The following STXBP5 variants were observed in gnomAD, a reference collection of about 807,000 sequenced individuals.
STXBP5 encodes the protein syntaxin-binding protein 5.
STXBP5 carries 50 observed loss-of-function variants against 152.4 expected under a neutral mutation model. That is an observed-to-expected ratio of 0.33 (90% CI 0.26 to 0.42). The LOEUF (loss-of-function observed/expected upper bound fraction) is 0.42. STXBP5 is among the 10% of genes least tolerant of loss of function. The probability of loss-of-function intolerance (pLI) is 1.00; values close to 1 mark genes in which losing one functional copy is unlikely to be tolerated. For missense variants in STXBP5, 1,167 were observed against 1,388.6 expected (o/e 0.84, Z 2.54); for synonymous variants, 492 against 494.7 (o/e 0.99, Z 0.07).
chr6:147,372,492 T>C, intron 25 of STXBP5, among the ~76,000 whole-genome samples: 1 of 127,734 alleles, frequency 7.8e-6, no homozygotes, highest in Non-Finnish European at 1.6e-5. Context: ...TGGAGTGCAG[T>C]GGTGCAATCT....
At chr6:147,329,187 T>G (rs1783425614) in intron 18 of STXBP5, among the ~76,000 whole-genome samples, 1 of 150,630 alleles carries the variant, frequency 6.6e-6, no homozygotes. Context: ...GAGACTGATT[T>G]TTACCATCTA....
In STXBP5 at chr6:147,262,413, A is replaced by G. The variant is rs182298007; in HGVS notation, c.630+60A>G. On this transcript the variant is annotated intron_variant, in intron 6 of 27. Transcript: ENST00000321680. ...CACAAATTTTAGTATTTTTCAATAA[A>G]CATGCTATTTCAGGATCACACTTAT... The G allele has an allele frequency of 3.3e-5, 34 of 1,035,934 alleles. No individual in the cohort carries two copies. In the East Asian group the frequency reaches 8.7e-4, roughly 27 times the overall value. 64.2% of individuals were successfully genotyped at this position (1,035,934 alleles called of 1,614,324 possible). A position where few individuals can be genotyped will look rare whatever the true frequency, so the allele number is the denominator to read the frequency against.
At chr6:147,259,692 A>G (rs1779551707) in intron 4 of STXBP5, among the ~76,000 whole-genome samples, 2 of 152,108 alleles carry the variant, frequency 1.3e-5, no homozygotes, top group South Asian at 4.1e-4. Flanking sequence ...TTTAAGTGCT[A>G]TTTATTTAAA....
At chr6:147,269,593 GTAT>G (rs1482353573) in intron 7 of STXBP5, among the ~76,000 whole-genome samples, 1 of 152,008 alleles carries the variant, frequency 6.6e-6, no homozygotes, top group East Asian at 1.9e-4. Flanking sequence ...ATTAAAACAA[GTAT>G]TATTAAATAG....
At chr6:147,382,732 A>G in intron 26 of STXBP5, 46 bp from the exon 27 acceptor site, 1 of 1,584,292 alleles carries the variant, frequency 6.3e-7, no homozygotes, top group Non-Finnish European at 8.6e-7. Flanking sequence ...ATATTAGTAA[A>G]ATGTTCATGT....
At chr6:147,218,216 A>T (rs1237529882) in intron 2 of STXBP5, among the ~76,000 whole-genome samples, 5 of 152,198 alleles carry the variant, frequency 3.3e-5, no homozygotes, top group Non-Finnish European at 7.3e-5. Context: ...TCCATAGTTT[A>T]TGATAGGGCT....
intron 2 of STXBP5, among the ~76,000 whole-genome samples, chr6:147,207,300 G>T (rs965912885): frequency 1.3e-5 from 2 of 152,080 alleles, no homozygotes; most frequent in Non-Finnish European, 2.9e-5. Flanking sequence ...AATGCTAATA[G>T]AAGTTTTAGG....
At chr6:147,230,205 T>C (rs966007504) in intron 2 of STXBP5, among the ~76,000 whole-genome samples, 5 of 152,010 alleles carry the variant, frequency 3.3e-5, no homozygotes, top group African/African-American at 1.2e-4. Flanking sequence ...ATTTCTTATT[T>C]AATTTTGCCA....
rs78229923 is a variant in STXBP5 at position 147,371,824 on chromosome 6, C to T, written c.3082-1907C>T. On this transcript the variant is annotated intron_variant, in intron 25 of 27. Transcript: ENST00000321680. The stretch of plus-strand genomic sequence containing the variant: ...TTTAAAAAGCATACCTTTAAACTAT[C>T]GCTGTTGGTATGTCATATTCTTCTT... 7.3e-3 allele frequency among the ~76,000 whole-genome samples: 1,110 copies of T among 152,186 alleles called. 15 individuals carry two copies. Among genetic ancestry groups the T allele is most frequent in the African/African-American group, 0.025 (1,056 of 41,532 alleles).
intron 11 of STXBP5, among the ~76,000 whole-genome samples, chr6:147,313,650 A>G (rs950011374): frequency 1.3e-5 from 2 of 152,142 alleles, no homozygotes; most frequent in African/African-American, 4.8e-5. Context: ...TATTTAAAGC[A>G]CTTAGTGTAG....
intron 21 of STXBP5, 86 bp from the exon 22 acceptor site, chr6:147,353,237 A>G (rs1226701997): frequency 6.4e-6 from 5 of 778,296 alleles, no homozygotes; most frequent in Non-Finnish European, 1.0e-5. Flanking sequence ...TAGTAATAAA[A>G]GTATTCACTT....
In STXBP5 at chr6:147,389,489, CTTTAT is replaced by C. The variant is rs777853908; in HGVS notation, c.*4741_*4745del. Reference sequence around the variant, plus strand: ...GTCCAGGGCTACATGTAAGTGGTCTCTTTATTTTATTCTTTACATCAGAAAAATCA... The same window carrying C: ...GTCCAGGGCTACATGTAAGTGGTCTCTTTATTCTTTACATCAGAAAAATCA... On this transcript the variant is annotated 3_prime_UTR_variant, in exon 28 of 28. Coordinates refer to ENST00000321680, the MANE Select transcript of STXBP5 (RefSeq NM_001127715.4). 29 of 151,888 alleles carry C rather than the reference CTTTAT, an allele frequency of 1.9e-4. No individual in the cohort carries two copies. Among genetic ancestry groups the C allele is most frequent in the African/African-American group, 4.3e-4 (18 of 41,524 alleles). 9.4% of individuals were successfully genotyped at this position (151,888 alleles called of 1,614,324 possible). A position where few individuals can be genotyped will look rare whatever the true frequency, so the allele number is the denominator to read the frequency against.
intron 2 of STXBP5, among the ~76,000 whole-genome samples, chr6:147,216,037 T>C (rs1042605657): frequency 6.6e-6 from 1 of 152,166 alleles, no homozygotes; most frequent in African/African-American, 2.4e-5. Flanking sequence ...TTCTTTGATG[T>C]TACAGATGTT....
intron 8 of STXBP5, among the ~76,000 whole-genome samples, chr6:147,279,729 G>A (rs1242941912): frequency 1.3e-5 from 2 of 152,000 alleles, no homozygotes; most frequent in Non-Finnish European, 2.9e-5. Context: ...AATGTATTTT[G>A]TTCCTTCCTT....
intron 17 of STXBP5, among the ~76,000 whole-genome samples, chr6:147,326,432 C>T (rs1410965082): frequency 1.3e-5 from 2 of 152,192 alleles, no homozygotes; most frequent in Admixed American, 6.5e-5. Flanking sequence ...TGGCCGTGTC[C>T]GTGTTTCTCC....
intron 10 of STXBP5, 72 bp downstream of exon 10, chr6:147,310,310 G>T: frequency 8.5e-7 from 1 of 1,174,142 alleles, no homozygotes; most frequent in Non-Finnish European, 1.1e-6. Context: ...GACCTAGGTT[G>T]TTTAGATAAA....
intron 8 of STXBP5, among the ~76,000 whole-genome samples, chr6:147,287,423 C>G (rs1147845): frequency 0.43 from 64,980 of 151,120 alleles, 14,248 homozygotes; most frequent in East Asian, 0.71. Flanking sequence ...GGGATGGTCT[C>G]GATCTCCTGA....
At position 147,301,576 on chromosome 6, in the gene STXBP5, G is replaced by A. The variant is rs141753681; in HGVS notation, c.918-8508G>A. ...GATTTTTGCTTTATCACTGTCTTCAGAAATAGTCATTCTACAACCCAGCCC... is the reference window on the plus strand; with the variant it reads ...GATTTTTGCTTTATCACTGTCTTCAAAAATAGTCATTCTACAACCCAGCCC... On this transcript the variant is annotated intron_variant, in intron 9 of 27. Coordinates refer to ENST00000321680, the MANE Select transcript of STXBP5 (RefSeq NM_001127715.4). Among the ~76,000 whole-genome samples, 11 of 152,204 alleles carry A rather than the reference G, an allele frequency of 7.2e-5. No individual in the cohort carries two copies. The East Asian group carries it at 1.9e-3, about 27-fold the overall frequency.
intron 19 of STXBP5, 116 bp from the exon 20 acceptor site, chr6:147,339,063 A>G: frequency 1.2e-6 from 1 of 840,744 alleles, no homozygotes; most frequent in Non-Finnish European, 1.9e-6. Context: ...GTGGTCACTA[A>G]CATGATAACT....
Sources: allele counts gnomAD v4.1 joint callset (sites outside exome capture counted in the v4.1 genomes callset), GRCh38; gene constraint gnomAD v4.1.1; transcripts MANE v1.5; gene names NCBI Gene and HGNC (gene_info 2026-07-23, HGNC 2026-07-21).